TRHDE: variants seen among roughly 807,000 people sequenced by gnomAD.
TRHDE encodes the protein thyrotropin-releasing hormone-degrading ectoenzyme.
TRHDE carries 72 observed loss-of-function variants against 125.7 expected under a neutral mutation model. The observed-to-expected ratio is 0.57, with a 90% CI of 0.47 to 0.70. The LOEUF is 0.70. Ranked by LOEUF, TRHDE falls within the 30% of genes least tolerant of loss-of-function variation. TRHDE has a pLI of 0.00. For synonymous variants in TRHDE, 509 were observed against 509.1 expected (o/e 1.00, Z 0.00); for missense variants, 1,110 against 1,327.1 (o/e 0.84, Z 2.54).
At chr12:72,442,328 G>C (rs937733786) in intron 3 of TRHDE, among the ~76,000 whole-genome samples, 1 of 151,842 alleles carries the variant, frequency 6.6e-6, no homozygotes, top group African/African-American at 2.4e-5. Context: ...ACTTGGGCAA[G>C]TCTCACTTAT....
At chr12:72,496,181 C>T (rs1477646901) in intron 5 of TRHDE, among the ~76,000 whole-genome samples, 1 of 152,194 alleles carries the variant, frequency 6.6e-6, no homozygotes, top group Non-Finnish European at 1.5e-5. Flanking sequence ...CACTTACATA[C>T]ACATACACAC....
chr12:72,266,867 T>A (rs1315770100), intron 2 of TRHDE, among the ~76,000 whole-genome samples: 1 of 152,098 alleles, frequency 6.6e-6, no homozygotes, highest in Non-Finnish European at 1.5e-5. Flanking sequence ...TTTCTTGATT[T>A]GTCAAGTGGA....
At position 72,657,000 on chromosome 12, in the gene TRHDE, C is replaced by T; in HGVS notation, c.3058C>T (p.Leu1020Phe). 1 of 1,585,110 alleles carries T rather than the reference C, an allele frequency of 6.3e-7. No homozygotes were observed. Among genetic ancestry groups the T allele is most frequent in the Non-Finnish European group, 8.6e-7 (1 of 1,156,258 alleles). Residue 1020 changes from leucine to phenylalanine, a missense_variant, in exon 18 of 19, where the codon CTC becomes TTC. Coordinates refer to ENST00000261180, the MANE Select transcript of TRHDE (RefSeq NM_013381.3). ...VTEFLNTEGE[L>F]KELKNFMKNY... ...AGAATTTCTTAATACTGAAGGTGAA[C>T]TCAAAGAGGTAAATATTTTAAGATG...
At chr12:72,124,161 C>T (rs1184715413) in intron 2 of TRHDE, among the ~76,000 whole-genome samples, 2 of 152,088 alleles carry the variant, frequency 1.3e-5, no homozygotes, top group Non-Finnish European at 2.9e-5. Flanking sequence ...AAATTAATGC[C>T]TCACCATAAT....
At position 72,205,873 on chromosome 12, in the gene TRHDE, C is replaced by T. The variant is rs141010225; in HGVS notation, n.279+100121C>T. Among the ~76,000 whole-genome samples the T allele has an allele frequency of 5.5e-4, 83 of 152,192 alleles. 1 individual carries two copies. Among genetic ancestry groups the T allele is most frequent in the African/African-American group, 1.5e-3 (63 of 41,540 alleles). On this transcript the variant is annotated intron_variant and non_coding_transcript_variant, in intron 2 of 4. Coordinates refer to the TRHDE transcript ENST00000548156. ...ATGCTTTTGAGTATATACCCAGAAA[C>T]GGGATTATTGGATTTTATGGTAGTT...
chr12:72,527,672 A>G (rs1422522567), intron 6 of TRHDE, among the ~76,000 whole-genome samples: 1 of 151,988 alleles, frequency 6.6e-6, no homozygotes, highest in Non-Finnish European at 1.5e-5. Context: ...TATTTTCGTA[A>G]GAATCACATT....
upstream of TRHDE, among the ~76,000 whole-genome samples, chr12:72,267,621 G>A (rs112619310): frequency 2.6e-5 from 4 of 151,818 alleles, no homozygotes; most frequent in African/African-American, 9.7e-5. Flanking sequence ...ACTCCAGCCT[G>A]GGCGACAGAG....
intron 12 of TRHDE, among the ~76,000 whole-genome samples, chr12:72,608,505 G>C (rs990806846): frequency 6.6e-6 from 1 of 152,154 alleles, no homozygotes; most frequent in Non-Finnish European, 1.5e-5. Context: ...CTGTAGGCCA[G>C]AGTCTGAGCT....
chr12:72,515,697 T>A (rs1420305187), intron 6 of TRHDE, among the ~76,000 whole-genome samples: 2 of 152,166 alleles, frequency 1.3e-5, no homozygotes, highest in Non-Finnish European at 2.9e-5. Context: ...TTTGGTGTTT[T>A]AGACATGAAG....
intron 6 of TRHDE, among the ~76,000 whole-genome samples, chr12:72,506,335 A>C (rs1177102158): frequency 6.6e-6 from 1 of 152,140 alleles, no homozygotes; most frequent in Non-Finnish European, 1.5e-5. Context: ...ACAAACAAAC[A>C]AAACAAGAAA....
chr12:72,334,824 G>A (rs1282095374), intron 2 of TRHDE, among the ~76,000 whole-genome samples: 3 of 152,206 alleles, frequency 2.0e-5, no homozygotes, highest in Non-Finnish European at 4.4e-5. Flanking sequence ...TCCTGAGCGA[G>A]GAGGGTGCAA....
intron 2 of TRHDE, among the ~76,000 whole-genome samples, chr12:72,117,912 C>T (rs1016545539): frequency 6.6e-5 from 10 of 150,406 alleles, no homozygotes; most frequent in East Asian, 2.0e-4. Context: ...GACTTTAGTA[C>T]GTTGATTTTG....
intron 3 of TRHDE, among the ~76,000 whole-genome samples, chr12:72,460,187 G>A (rs1876061442): frequency 6.6e-6 from 1 of 152,170 alleles, no homozygotes; most frequent in Admixed American, 6.5e-5. Context: ...ATACAGAAAT[G>A]TAAGAGACCC....
At chr12:72,370,063 C>T (rs899191291) in intron 2 of TRHDE, among the ~76,000 whole-genome samples, 3 of 152,086 alleles carry the variant, frequency 2.0e-5, no homozygotes, top group Admixed American at 6.5e-5. Flanking sequence ...AGGAATTACT[C>T]GGTTTGCAAA....
chr12:72,486,090 A>T (rs598330), intron 5 of TRHDE, among the ~76,000 whole-genome samples: 107,903 of 152,022 alleles, frequency 0.71, 39,135 homozygotes, highest in African/African-American at 0.85. Context: ...GGCCTTAGCC[A>T]CTGGAGAACC....
chr12:72,279,702 G>T (rs1273370412), intron 1 of TRHDE, among the ~76,000 whole-genome samples: 1 of 152,128 alleles, frequency 6.6e-6, no homozygotes, highest in Non-Finnish European at 1.5e-5. Flanking sequence ...GTGTTGCATG[G>T]AGCTGAATAA....
At chr12:72,582,553 G>A in intron 12 of TRHDE, 2 of 985,256 alleles carry the variant, frequency 2.0e-6, no homozygotes, top group Non-Finnish European at 2.4e-6. Flanking sequence ...TTCACTTATT[G>A]CAGTAAATAG....
intron 3 of TRHDE, among the ~76,000 whole-genome samples, chr12:72,445,645 A>T (rs898835012): frequency 4.6e-5 from 7 of 151,898 alleles, no homozygotes; most frequent in Non-Finnish European, 1.0e-4. Flanking sequence ...TTTTGAGAGG[A>T]TTTCCACTGA....
intron 6 of TRHDE, among the ~76,000 whole-genome samples, chr12:72,522,531 C>G (rs1868267485): frequency 6.6e-6 from 1 of 152,140 alleles, no homozygotes; most frequent in Non-Finnish European, 1.5e-5. Context: ...AGATTACTAA[C>G]AGCAATGAGT....
Sources: allele counts gnomAD v4.1 joint callset (sites outside exome capture counted in the v4.1 genomes callset), GRCh38; gene constraint gnomAD v4.1.1; transcripts MANE v1.5; gene names NCBI Gene and HGNC (gene_info 2026-07-23, HGNC 2026-07-21).